Variants in TFCP2L1 observed in about 807,000 individuals in gnomAD.
TFCP2L1 encodes the protein transcription factor CP2 like 1, also known as transcription factor CP2-like protein 1.
A neutral mutation model predicts 72.2 loss-of-function variants in TFCP2L1; 12 were observed. That is an observed-to-expected ratio of 0.17 (90% confidence interval 0.11 to 0.27). The LOEUF (loss-of-function observed/expected upper bound fraction) is 0.27. Among genes scored for constraint, TFCP2L1 ranks in the 10% least tolerant of loss-of-function variants. The pLI is 1.00. For synonymous variants in TFCP2L1, 260 were observed against 251.0 expected (o/e 1.04, Z -0.34); for missense variants, 488 against 624.6 (o/e 0.78, Z 2.33).
Position 121,225,659 on chromosome 2 carries a change from C to T in TFCP2L1, c.1342-46G>A, listed in dbSNP as rs367661667. On this transcript the variant is annotated intron_variant, in intron 13 of 14. Transcript: ENST00000263707. The stretch of plus-strand genomic sequence containing the variant: ...CATGTTCCTTCAACCACGAGTTCAT[C>T]ATTTGGAAAGCCTCGGTGGCAGAGC... 32 of 1,609,504 alleles carry T rather than the reference C, an allele frequency of 2.0e-5. No homozygotes were observed. In the African/African-American group the frequency reaches 3.3e-4, roughly 17 times the overall value.
chr2:121,280,336 A>T (rs1558748533), intron 2 of TFCP2L1, among the ~76,000 whole-genome samples: 1 of 152,174 alleles, frequency 6.6e-6, no homozygotes, highest in Non-Finnish European at 1.5e-5. Flanking sequence ...GCATGGATGG[A>T]ACCCTGCTCC....
chr2:121,224,351 C>T lies in TFCP2L1; in HGVS notation c.1430G>A (p.Cys477Tyr). 1 of 1,614,054 alleles carries T rather than the reference C, an allele frequency of 6.2e-7. No homozygotes were observed. The highest frequency in any genetic ancestry group is 8.5e-7 in the Non-Finnish European group (1 of 1,180,012). The change falls in exon 15 of 15, where the codon TGT becomes TAT. Residue 477 changes from cysteine to tyrosine, a missense_variant. Physicochemically the swap from Cys to Tyr is radical, Grantham distance 194. Transcript: ENST00000263707. ...SNDGYHIILK[C>Y]GL ...GAGGTCCACTGCTGCTCAGAGTCCACATTTCAGGATGATGTGGTAGCCATC... is the reference window on the plus strand; with the variant it reads ...GAGGTCCACTGCTGCTCAGAGTCCATATTTCAGGATGATGTGGTAGCCATC...
At chr2:121,236,125 T>C (rs1436788511) in intron 10 of TFCP2L1, among the ~76,000 whole-genome samples, 1 of 152,206 alleles carries the variant, frequency 6.6e-6, no homozygotes, top group Non-Finnish European at 1.5e-5. Flanking sequence ...ATTGTGTGAC[T>C]ACACCACAAT....
Position 121,219,460 on chromosome 2 carries a change from G to A in TFCP2L1, c.*4881C>T, listed in dbSNP as rs1685890674. On this transcript the variant is annotated 3_prime_UTR_variant, in exon 15 of 15. Transcript: ENST00000263707. ...ATCTGGGAGCCCCCATAAGTTTGCG[G>A]AGGAAGTAGTCAGCCCAGTTAGGAG... The A allele has an allele frequency of 1.3e-5, 2 of 152,264 alleles. No individual in the cohort carries two copies. 9.4% of individuals were successfully genotyped at this position (152,264 alleles called of 1,614,324 possible).
intron 13 of TFCP2L1, among the ~76,000 whole-genome samples, chr2:121,227,766 A>G (rs1192336515): frequency 2.1e-5 from 3 of 145,878 alleles, no homozygotes; most frequent in Non-Finnish European, 4.6e-5. Context: ...CTAACACAAT[A>G]GCAAAACCCC....
intron 2 of TFCP2L1, among the ~76,000 whole-genome samples, chr2:121,276,489 C>T (rs1181594967): frequency 6.6e-6 from 1 of 151,782 alleles, no homozygotes; most frequent in Admixed American, 6.6e-5. Flanking sequence ...AAAAATTAGC[C>T]GGGTGTGGTG....
At chr2:121,266,558 C>G (rs923473548) in intron 2 of TFCP2L1, among the ~76,000 whole-genome samples, 5 of 152,188 alleles carry the variant, frequency 3.3e-5, no homozygotes, top group Non-Finnish European at 7.3e-5. Context: ...TCCAGGCAGG[C>G]AGTTGCAGTC....
Position 121,221,802 on chromosome 2 carries a change from A to G in TFCP2L1, c.*2539T>C, listed in dbSNP as rs181495803. The G allele has an allele frequency of 1.7e-4, 26 of 152,364 alleles. No individual in the cohort carries two copies. The highest frequency in any genetic ancestry group is 6.3e-4 in the African/African-American group (26 of 41,588). 9.4% of individuals were successfully genotyped at this position (152,364 alleles called of 1,614,324 possible). On this transcript the variant is annotated 3_prime_UTR_variant, in exon 15 of 15. Coordinates refer to ENST00000263707, the MANE Select transcript of TFCP2L1 (RefSeq NM_014553.3). ...GTTTTGTGTCTCAAAGGACACCAAC[A>G]AGAAACTGAAAACAATCCACAGAAG...
intron 7 of TFCP2L1, among the ~76,000 whole-genome samples, chr2:121,241,532 C>G (rs72828954): frequency 6.6e-6 from 1 of 151,804 alleles, no homozygotes. Flanking sequence ...AGAGGAAGAG[C>G]GAGCTCCTCA....
At chr2:121,267,484 A>G (rs1198909770) in intron 2 of TFCP2L1, among the ~76,000 whole-genome samples, 1 of 150,494 alleles carries the variant, frequency 6.6e-6, no homozygotes, top group Non-Finnish European at 1.5e-5. Context: ...GTAGACACCT[A>G]TGAACATTAA....
chr2:121,274,094 CAAA>C (rs569943932), intron 2 of TFCP2L1, among the ~76,000 whole-genome samples: 1 of 60,792 alleles, frequency 1.6e-5, no homozygotes, highest in African/African-American at 5.9e-5. Flanking sequence ...ACTCTGTCTC[CAAA>C]AAAAAAAAAA....
chr2:121,253,818 C>A (rs547625218), intron 2 of TFCP2L1, among the ~76,000 whole-genome samples: 1 of 152,228 alleles, frequency 6.6e-6, no homozygotes, highest in African/African-American at 2.4e-5. Flanking sequence ...CTGATCCACA[C>A]ACTTCACCAC....
chr2:121,248,818 G>A (rs1459504561), intron 4 of TFCP2L1, among the ~76,000 whole-genome samples, 164 bp downstream of exon 4: 1 of 152,218 alleles, frequency 6.6e-6, no homozygotes, highest in Non-Finnish European at 1.5e-5. Context: ...CTCGAGGGCA[G>A]GACCCAGTGT....
rs77602624 is a variant in TFCP2L1 at position 121,225,551 on chromosome 2, G to T, written c.1393+11C>A. 9 of 1,613,904 alleles carry T rather than the reference G, an allele frequency of 5.6e-6. No individual in the cohort carries two copies. In the East Asian group the frequency reaches 1.1e-4, roughly 20 times the overall value. The stretch of plus-strand genomic sequence containing the variant: ...CCCCACAACTACCCTAGGGGGAGGG[G>T]GAGGCTTCACCTTTAATTGTGCTGA... On this transcript the variant is annotated intron_variant, in intron 14 of 14. Transcript: ENST00000263707.
intron 4 of TFCP2L1, 41 bp from the exon 5 acceptor site, chr2:121,248,311 C>A: frequency 6.6e-7 from 1 of 1,517,030 alleles, no homozygotes; most frequent in South Asian, 1.2e-5. Context: ...CAATTGTCAG[C>A]CTCTCCCAAA....
At chr2:121,282,737 T>C (rs1687289500) in intron 1 of TFCP2L1, among the ~76,000 whole-genome samples, 1 of 152,116 alleles carries the variant, frequency 6.6e-6, no homozygotes, top group Non-Finnish European at 1.5e-5. Context: ...TGACTAGGAA[T>C]CCAATTAGCT....
At chr2:121,227,151 A>G (rs537683026) in intron 13 of TFCP2L1, among the ~76,000 whole-genome samples, 6 of 152,348 alleles carry the variant, frequency 3.9e-5, no homozygotes, top group African/African-American at 1.4e-4. Flanking sequence ...AAGTTTTTAA[A>G]TAGCAAAATT....
At chr2:121,284,544 C>T (rs1296795109) in intron 1 of TFCP2L1, among the ~76,000 whole-genome samples, 1 of 152,234 alleles carries the variant, frequency 6.6e-6, no homozygotes, top group Non-Finnish European at 1.5e-5. Flanking sequence ...GGGCGGCCTG[C>T]CCCTCCGAGC....
intron 2 of TFCP2L1, among the ~76,000 whole-genome samples, chr2:121,269,273 A>C (rs1191090826): frequency 6.6e-6 from 1 of 151,858 alleles, no homozygotes; most frequent in Non-Finnish European, 1.5e-5. Context: ...ACATGGCAGA[A>C]TCCCAACTCT....
Sources: allele counts gnomAD v4.1 joint callset (sites outside exome capture counted in the v4.1 genomes callset), GRCh38; gene constraint gnomAD v4.1.1; transcripts MANE v1.5; gene names NCBI Gene and HGNC (gene_info 2026-07-23, HGNC 2026-07-21).